Variants in CSGALNACT1 observed in about 807,000 individuals in gnomAD.
CSGALNACT1 encodes beta4GalNAcT-1.
Under a neutral mutation model 51.0 loss-of-function variants are expected in CSGALNACT1, and 52 were observed. The observed-to-expected ratio is 1.02, with a 90% CI of 0.82 to 1.29. The LOEUF (loss-of-function observed/expected upper bound fraction) is 1.29. CSGALNACT1 is among the 50% of genes most tolerant of loss of function. CSGALNACT1 has a pLI of 0.00. For synonymous variants in CSGALNACT1, 341 were observed against 254.4 expected (o/e 1.34, Z -3.24); for missense variants, 935 against 679.2 (o/e 1.38, Z -4.19).
intron 3 of CSGALNACT1, among the ~76,000 whole-genome samples, chr8:19,564,776 T>C (rs2041560631): frequency 6.6e-6 from 1 of 152,188 alleles, no homozygotes; most frequent in African/African-American, 2.4e-5. Flanking sequence ...ACTTTTTCTG[T>C]AGTATTTCTG....
chr8:19,630,710 TATAGTTGGAACTAC>T (rs1417429814), intron 1 of CSGALNACT1, among the ~76,000 whole-genome samples: 1 of 152,226 alleles, frequency 6.6e-6, no homozygotes, highest in Admixed American at 6.5e-5. Flanking sequence ...CAGAATGTCA[TATAGTTGGAACTAC>T]ATAGTAGCTT....
chr8:19,656,317 C>G (rs747777152), intron 1 of CSGALNACT1, among the ~76,000 whole-genome samples: 6 of 152,112 alleles, frequency 3.9e-5, no homozygotes, highest in Non-Finnish European at 7.4e-5. Flanking sequence ...GAATCAAAAC[C>G]TAGCCCTCAT....
At chr8:19,749,190 C>T (rs2064875198) in intron 1 of CSGALNACT1, among the ~76,000 whole-genome samples, 1 of 151,504 alleles carries the variant, frequency 6.6e-6, no homozygotes, top group Non-Finnish European at 1.5e-5. Flanking sequence ...AAGGACTATT[C>T]CTCTTCCCAC....
intron 3 of CSGALNACT1, among the ~76,000 whole-genome samples, chr8:19,561,381 T>C (rs1464886198): frequency 6.6e-6 from 1 of 152,216 alleles, no homozygotes; most frequent in Non-Finnish European, 1.5e-5. Flanking sequence ...GTTGGATAAG[T>C]GCTTCATGAC....
chr8:19,701,717 G>T (rs970181640), intron 1 of CSGALNACT1, among the ~76,000 whole-genome samples: 4 of 152,138 alleles, frequency 2.6e-5, no homozygotes, highest in East Asian at 1.9e-4. Flanking sequence ...TCTATGCAGC[G>T]CATCCTACAT....
intron 1 of CSGALNACT1, among the ~76,000 whole-genome samples, chr8:19,647,896 T>A (rs925275523): frequency 1.3e-5 from 2 of 152,178 alleles, no homozygotes; most frequent in African/African-American, 4.8e-5. Flanking sequence ...ATGAGACATT[T>A]GAATAAAAGA....
chr8:19,727,731 T>C (rs528706139), intron 1 of CSGALNACT1, among the ~76,000 whole-genome samples: 3 of 152,212 alleles, frequency 2.0e-5, no homozygotes, highest in Non-Finnish European at 4.4e-5. Context: ...CCTTTTTCCC[T>C]AACACCATGG....
intron 6 of CSGALNACT1, among the ~76,000 whole-genome samples, chr8:19,422,809 G>C (rs924379529): frequency 6.6e-6 from 1 of 152,278 alleles, no homozygotes; most frequent in South Asian, 2.1e-4. Flanking sequence ...GGTTTGGTCA[G>C]TTTCCAGGAA....
At chr8:19,513,432 C>CTATATA (rs1464867601) in intron 3 of CSGALNACT1, among the ~76,000 whole-genome samples, 49 of 71,882 alleles carry the variant, frequency 6.8e-4, no homozygotes, top group East Asian at 1.5e-3. Flanking sequence ...CTCTCTCTCT[C>CTATATA]TCTCTATATA....
intron 1 of CSGALNACT1, among the ~76,000 whole-genome samples, chr8:19,619,593 C>T (rs1164131903): frequency 6.6e-6 from 1 of 152,080 alleles, no homozygotes; most frequent in Non-Finnish European, 1.5e-5. Flanking sequence ...GTTCAAGAGA[C>T]ATTCTAGGCA....
chr8:19,681,415 G>C (rs986367607), intron 1 of CSGALNACT1, among the ~76,000 whole-genome samples: 1 of 152,096 alleles, frequency 6.6e-6, no homozygotes, highest in Non-Finnish European at 1.5e-5. Flanking sequence ...CATCCCCATC[G>C]CTGGCTCCTC....
At chr8:19,406,516 G>A (rs56841087) in intron 9 of CSGALNACT1, among the ~76,000 whole-genome samples, 2 of 149,442 alleles carry the variant, frequency 1.3e-5, no homozygotes, top group African/African-American at 2.5e-5. Flanking sequence ...TTGAAATGAT[G>A]GATACCTCCC....
intron 1 of CSGALNACT1, among the ~76,000 whole-genome samples, chr8:19,659,342 T>C (rs1034531353): frequency 9.9e-5 from 15 of 152,230 alleles, no homozygotes; most frequent in Admixed American, 3.9e-4. Context: ...ATCCCAACTA[T>C]GTCAGATTCT....
chr8:19,467,863 G>A (rs2067080522), intron 4 of CSGALNACT1, among the ~76,000 whole-genome samples: 1 of 152,170 alleles, frequency 6.6e-6, no homozygotes, highest in Admixed American at 6.5e-5. Flanking sequence ...GTATGCCCCT[G>A]TAGTCCCAGA....
intron 6 of CSGALNACT1, among the ~76,000 whole-genome samples, chr8:19,436,120 G>C (rs140548441): frequency 1.3e-5 from 2 of 152,340 alleles, no homozygotes; most frequent in Non-Finnish European, 2.9e-5. Flanking sequence ...AAACTAGGGA[G>C]AGAGAGTGTG....
rs551992782 is a variant in CSGALNACT1, at chr8:19,747,272, G to A, written c.-297+10578C>T. On this transcript the variant is annotated intron_variant, in intron 1 of 1. Coordinates refer to the CSGALNACT1 transcript ENST00000517494. ...AGGAGAGAAAGCAAAAAAAAAAGCCGGTATTTCCAACTTCATTTTCCATTA... is the reference window on the plus strand; with the variant it reads ...AGGAGAGAAAGCAAAAAAAAAAGCCAGTATTTCCAACTTCATTTTCCATTA... Among the ~76,000 whole-genome samples the A allele has an allele frequency of 8.6e-5, 13 of 151,420 alleles. 1 individual carries two copies. The highest frequency in any genetic ancestry group is 3.3e-4 in the Admixed American group (5 of 15,214).
rs2062747498 is a variant in CSGALNACT1, at chr8:19,449,659, CTGTATTAAAATATCATAAA to C, written c.851+8748_851+8766del. Among the ~76,000 whole-genome samples the C allele has an allele frequency of 2.0e-5, 3 of 152,140 alleles. No homozygotes were observed. The South Asian group carries it at 6.2e-4, about 32-fold the overall frequency. On this transcript the variant is annotated intron_variant, in intron 5 of 9. Transcript: ENST00000454498. ...ATTCAAGTACAAGATTTCCTTGATACTGTATTAAAATATCATAAATGTTAGAAAGAGAACATTAAGACAA... is the reference window on the plus strand; with the variant it reads ...ATTCAAGTACAAGATTTCCTTGATACTGTTAGAAAGAGAACATTAAGACAA...
intron 3 of CSGALNACT1, among the ~76,000 whole-genome samples, chr8:19,568,924 C>T (rs1197494471): frequency 6.6e-6 from 1 of 152,186 alleles, no homozygotes; most frequent in Admixed American, 6.5e-5. Context: ...ACCATCAAGG[C>T]TAATTCCTTG....
At chr8:19,439,359 T>C (rs893404375) in intron 6 of CSGALNACT1, among the ~76,000 whole-genome samples, 13 of 152,164 alleles carry the variant, frequency 8.5e-5, no homozygotes, top group Admixed American at 5.9e-4. Context: ...TTAAAATACT[T>C]AACGAATGAA....
Sources: allele counts gnomAD v4.1 joint callset (sites outside exome capture counted in the v4.1 genomes callset), GRCh38; gene constraint gnomAD v4.1.1; transcripts MANE v1.5; gene names NCBI Gene and HGNC (gene_info 2026-07-23, HGNC 2026-07-21).